Variants in JADE3 observed in about 807,000 individuals in gnomAD.
JADE3 encodes protein Jade-3.
Under a neutral mutation model 50.1 loss-of-function variants are expected in JADE3, and 2 were observed. The ratio of observed to expected loss-of-function variants is 0.04; its 90% CI spans 0.02 to 0.13. JADE3 has a LOEUF of 0.13. Among genes scored for constraint, JADE3 ranks in the 10% least tolerant of loss-of-function variants. The probability of loss-of-function intolerance (pLI) is 1.00; values close to 1 mark genes in which losing one functional copy is unlikely to be tolerated. For missense variants in JADE3, 475 were observed against 634.4 expected, an observed-to-expected ratio of 0.75 and a Z score of 2.70; for synonymous variants, 218 against 232.9, an observed-to-expected ratio of 0.94 and a Z score of 0.58.
In JADE3 at chrX:46,924,380, C is replaced by G. The variant is rs781852581; in HGVS notation, c.-12+11661C>G. ...TATGCTCGGATCCTGTGTCTCCCTGCGGGTATGAGTATTTCCATATATTGG... is the reference window on the plus strand; with the variant it reads ...TATGCTCGGATCCTGTGTCTCCCTGGGGGTATGAGTATTTCCATATATTGG... On this transcript the variant is annotated intron_variant, in intron 1 of 10. Coordinates refer to ENST00000614628, the MANE Select transcript of JADE3 (RefSeq NM_014735.5). Among the ~76,000 whole-genome samples, 608 of 112,277 alleles carry G rather than the reference C, an allele frequency of 5.4e-3. 4 individuals carry two copies. Among genetic ancestry groups the G allele is most frequent in the Non-Finnish European group, 9.2e-3 (488 of 53,216 alleles).
chrX:47,034,630 C>T (rs61056044), intron 7 of JADE3, among the ~76,000 whole-genome samples: 6,448 of 109,677 alleles, frequency 0.059, 471 homozygotes, highest in African/African-American at 0.2. Flanking sequence ...GACAGAGTCT[C>T]GCTCTGTCAC....
At position 47,001,407 on chromosome X, in the gene JADE3, T is replaced by C. The variant is rs1227334666; in HGVS notation, c.284+3130T>C. Among the ~76,000 whole-genome samples, 5 of 111,976 alleles carry C rather than the reference T, an allele frequency of 4.5e-5. No homozygotes were observed. In the East Asian group the frequency reaches 1.4e-3, roughly 31 times the overall value. ...TTGAGAACAATTTTGTTATGAAATA[T>C]GTTTATCTCATTTCCTGAATTTAAT... On this transcript the variant is annotated intron_variant, in intron 4 of 10. Transcript: ENST00000614628.
intron 2 of JADE3, among the ~76,000 whole-genome samples, chrX:46,985,382 T>G (rs1362061097): frequency 1.8e-5 from 2 of 112,331 alleles, no homozygotes; most frequent in Non-Finnish European, 3.8e-5. Flanking sequence ...ACATTTGTAG[T>G]TTTTCCAGTT....
At chrX:47,029,576 A>C (rs2146977824) in intron 6 of JADE3, among the ~76,000 whole-genome samples, 1 of 112,404 alleles carries the variant, frequency 8.9e-6, no homozygotes, top group East Asian at 2.8e-4. Context: ...TAATTAGAAT[A>C]GATAACATAG....
At position 47,054,227 on chromosome X, in the gene JADE3, A is replaced by T. The variant is rs1049550322; in HGVS notation, c.1042A>T (p.Thr348Ser). Reference protein sequence around the residue: ...CAFEHGLEMKTILDEGDEVKF... With the variant: ...CAFEHGLEMKSILDEGDEVKF... The stretch of plus-strand genomic sequence containing the variant: ...CTTTGAGCACGGCCTAGAGATGAAG[A>T]CCATCCTAGATGAGGGAGACGAAGT... Residue 348 changes from threonine (T) to serine (S), a missense_variant, in exon 9 of 11, where the codon ACC (threonine) becomes TCC (serine). Coordinates refer to ENST00000614628, the MANE Select transcript of JADE3 (RefSeq NM_014735.5). The T allele has an allele frequency of 1.7e-6, 2 of 1,209,689 alleles. No individual in the cohort carries two copies. Among genetic ancestry groups the T allele is most frequent in the Non-Finnish European group, 2.2e-6 (2 of 894,554 alleles).
chrX:47,016,552 A>G (rs1287983304), intron 4 of JADE3, among the ~76,000 whole-genome samples: 1 of 111,982 alleles, frequency 8.9e-6, no homozygotes, highest in Admixed American at 9.5e-5. Flanking sequence ...TACTTGCACT[A>G]TATTTTATTA....
intron 8 of JADE3, among the ~76,000 whole-genome samples, chrX:47,042,161 T>G (rs1161852188): frequency 2.7e-5 from 3 of 111,053 alleles, no homozygotes; most frequent in African/African-American, 9.8e-5. Context: ...GGCTGGCTAA[T>G]TTTTTTGTTT....
intron 1 of JADE3, among the ~76,000 whole-genome samples, chrX:46,975,714 C>CTTTTTTT (rs782578317): frequency 0.037 from 1,499 of 40,036 alleles, 6 homozygotes; most frequent in African/African-American, 0.051. Flanking sequence ...TTTTCTTTTT[C>CTTTTTTT]TTTTTTTTTT....
At chrX:46,986,061 G>A (rs1178664958) in intron 3 of JADE3, among the ~76,000 whole-genome samples, 1 of 111,216 alleles carries the variant, frequency 9.0e-6, no homozygotes, top group Non-Finnish European at 1.9e-5. Context: ...CTCTGGCCAT[G>A]TGATCACATA....
In JADE3 at chrX:46,964,076, C is replaced by G. The variant is rs781939533; in HGVS notation, c.-11-20808C>G. Among the ~76,000 whole-genome samples the G allele has an allele frequency of 2.7e-5, 3 of 112,375 alleles. No homozygotes were observed. In the East Asian group the frequency reaches 8.4e-4, roughly 31 times the overall value. On this transcript the variant is annotated intron_variant, in intron 1 of 10. Transcript: ENST00000614628. ...GAAAGTATTAAAATTGTTCACATGT[C>G]ATGACCCTGATGATGGTCCTCTTGT...
At chrX:47,003,043 A>G (rs1293398565) in intron 4 of JADE3, among the ~76,000 whole-genome samples, 3 of 111,798 alleles carry the variant, frequency 2.7e-5, no homozygotes, top group Non-Finnish European at 3.8e-5. Flanking sequence ...AATGATCCCT[A>G]TCAAATGATA....
chrX:46,931,443 CAGAGTCTTGCTCTTG>C (rs1926488128), intron 1 of JADE3, among the ~76,000 whole-genome samples: 1 of 109,250 alleles, frequency 9.2e-6, no homozygotes, highest in African/African-American at 3.3e-5. Context: ...TTATTTGAGA[CAGAGTCTTGCTCTTG>C]TTGCCCAGGC....
At chrX:47,045,228 G>A (rs1929346235) in intron 8 of JADE3, among the ~76,000 whole-genome samples, 2 of 111,033 alleles carry the variant, frequency 1.8e-5, no homozygotes, top group South Asian at 7.5e-4. Context: ...ATAAAGGGAT[G>A]GAAAAATATA....
intron 1 of JADE3, among the ~76,000 whole-genome samples, chrX:46,922,439 ATTCTATCTTG>A (rs1926242545): frequency 9.0e-6 from 1 of 110,575 alleles, no homozygotes; most frequent in Non-Finnish European, 1.9e-5. Flanking sequence ...TCTTCAAATA[ATTCTATCTTG>A]TTCTTTTTTT....
intron 3 of JADE3, among the ~76,000 whole-genome samples, chrX:46,987,266 A>G (rs918138155): frequency 8.0e-5 from 9 of 112,560 alleles, no homozygotes; most frequent in Non-Finnish European, 1.5e-4. Context: ...ACAACATGGT[A>G]GCGTACTTAT....
In JADE3 at chrX:47,027,981, A is replaced by T; in HGVS notation, c.565A>T (p.Thr189Ser). 8.3e-7 allele frequency: 1 copy of T among 1,208,009 alleles called. No individual in the cohort carries two copies. Among genetic ancestry groups the T allele is most frequent in the Non-Finnish European group, 1.1e-6 (1 of 892,293 alleles). Residue 189 changes from threonine (T) to serine (S), a missense_variant, in exon 6 of 11, where the codon ACA becomes TCA. Physicochemically the swap from Thr to Ser is moderately conservative, Grantham distance 58. Around this residue, in one of 6 missense-constraint regions of JADE3, gnomAD observed 54 missense variants for 156.2 expected, o/e 0.35. Coordinates refer to ENST00000614628, the MANE Select transcript of JADE3 (RefSeq NM_014735.5). ...TGAAAATATGAACCATGCTATTGAG[A>T]CAGAGGAAGGGCTAGGCATAGAGTA... Reference protein sequence around the residue: ...CHENMNHAIETEEGLGIEYDE... With the variant: ...CHENMNHAIESEEGLGIEYDE...
chrX:46,916,581 C>G (rs1926090766), intron 1 of JADE3, among the ~76,000 whole-genome samples: 1 of 112,192 alleles, frequency 8.9e-6, no homozygotes, highest in South Asian at 3.7e-4. Context: ...CCACTTTTCT[C>G]ACCATTCTTG....
In JADE3 at chrX:47,058,489, G is replaced by A. The variant is rs781813849; in HGVS notation, c.1884G>A (p.Ser628=). ...ESSPAWRTPS[S]ECYHGQSLGK... ...GTCCTGCTTGGAGAACCCCGTCCTCGGAGTGCTATCATGGGCAGTCACTGG... is the reference window on the plus strand; with the variant it reads ...GTCCTGCTTGGAGAACCCCGTCCTCAGAGTGCTATCATGGGCAGTCACTGG... The change falls in exon 11 of 11, where the codon TCG becomes TCA. Residue 628 remains serine, a synonymous_variant. Coordinates refer to ENST00000614628, the MANE Select transcript of JADE3 (RefSeq NM_014735.5). The A allele has an allele frequency of 3.7e-5, 45 of 1,209,434 alleles. No individual in the cohort carries two copies. The highest frequency in any genetic ancestry group is 7.0e-5 in the African/African-American group (4 of 57,118).
chrX:46,974,481 C>G (rs1470263976), intron 1 of JADE3, among the ~76,000 whole-genome samples: 2 of 111,623 alleles, frequency 1.8e-5, no homozygotes, highest in South Asian at 3.8e-4. Context: ...ACATGCTGCT[C>G]TGGTCTGACC....
Sources: gnomAD v4.1 joint callset for allele counts (sites outside exome capture counted in the v4.1 genomes callset) on GRCh38, gnomAD v4.1.1 for gene constraint, gnomAD v4.1.1 regional missense constraint, MANE v1.5 for transcripts, NCBI Gene and HGNC (gene_info 2026-07-23, HGNC 2026-07-21) for gene names.